Variants in COLQ observed in about 807,000 individuals in gnomAD.
COLQ encodes collagen like tail subunit of asymmetric acetylcholinesterase.
A neutral mutation model predicts 69.0 loss-of-function variants in COLQ; 48 were observed. The observed-to-expected ratio is 0.70, with a 90% confidence interval of 0.55 to 0.88. The LOEUF (loss-of-function observed/expected upper bound fraction) is 0.88, where lower values mean the gene tolerates loss of function less well. Among genes scored for constraint, COLQ ranks in the 40% least tolerant of loss-of-function variants. The probability of loss-of-function intolerance (pLI) is 0.00; values close to 1 mark genes in which losing one functional copy is unlikely to be tolerated. For missense variants in COLQ, 618 were observed against 594.6 expected, an observed-to-expected ratio of 1.04 and a Z score of -0.41; for synonymous variants, 217 against 211.2, an observed-to-expected ratio of 1.03 and a Z score of -0.24.
At chr3:15,458,529 T>C (rs1407544894) in intron 12 of COLQ, among the ~76,000 whole-genome samples, 1 of 152,150 alleles carries the variant, frequency 6.6e-6, no homozygotes, top group East Asian at 1.9e-4. Flanking sequence ...GGCGATAGTT[T>C]CCCCCTCCTT....
At chr3:15,508,474 T>C (rs1179036887) in intron 1 of COLQ, among the ~76,000 whole-genome samples, 1 of 152,210 alleles carries the variant, frequency 6.6e-6, no homozygotes, top group Non-Finnish European at 1.5e-5. Context: ...ACTCCAACCA[T>C]TTGTATAACA....
intron 16 of COLQ, among the ~76,000 whole-genome samples, chr3:15,452,209 G>C (rs2061954754): frequency 6.6e-6 from 1 of 151,964 alleles, no homozygotes; most frequent in Admixed American, 6.6e-5. Flanking sequence ...TGGGATTACA[G>C]GCACGTGCCA....
At position 15,455,937 on chromosome 3, in the gene COLQ, C is replaced by T. The variant is rs368575417; in HGVS notation, c.1157G>A (p.Cys386Tyr). ...ACCCACATCGCTGTTACCGTCGTCACACTCCTCCCCAGGCTGCAGGAGCCC... is the reference window on the plus strand; with the variant it reads ...ACCCACATCGCTGTTACCGTCGTCATACTCCTCCCCAGGCTGCAGGAGCCC... The part of the protein sequence containing the change: ...GDGLLQPGEE[C>Y]DDGNSDVGDD... The change falls in exon 15 of 17, where the codon TGT becomes TAT. Residue 386 changes from cysteine (C) to tyrosine (Y), a missense_variant. Coordinates refer to ENST00000383788, the MANE Select transcript of COLQ (RefSeq NM_005677.4). 1.2e-6 allele frequency: 2 copies of T among 1,614,190 alleles called. No homozygotes were observed. The highest frequency in any genetic ancestry group is 1.7e-6 in the Non-Finnish European group (2 of 1,180,026).
At chr3:15,466,303 CTCCA>C (rs371849227) in intron 12 of COLQ, 34 bp downstream of exon 12, 3 of 1,488,686 alleles carry the variant, frequency 2.0e-6, no homozygotes, top group African/African-American at 2.8e-5. Context: ...CTGGCCAGTA[CTCCA>C]ACAGTGGATC....
At chr3:15,496,986 C>T (rs1403986049) in intron 1 of COLQ, among the ~76,000 whole-genome samples, 1 of 150,056 alleles carries the variant, frequency 6.7e-6, no homozygotes, top group Admixed American at 6.6e-5. Context: ...TTAGTTTCCT[C>T]ATCTGTACCA....
At position 15,519,040 on chromosome 3, in the gene COLQ, T is replaced by G. The variant is rs147097830; in HGVS notation, c.106+2480A>C. ...AGGATTACAAGGAACAGCTTCCATT[T>G]TTTTAAAGCTTAAGTTTATTTCTGA... On this transcript the variant is annotated intron_variant, in intron 1 of 16. Transcript: ENST00000383788. Among the ~76,000 whole-genome samples, 653 of 152,356 alleles carry G rather than the reference T, an allele frequency of 4.3e-3. 10 individuals are homozygous for G. The highest frequency in any genetic ancestry group is 0.015 in the African/African-American group (616 of 41,584).
At chr3:15,452,604 C>T (rs2061964495) in intron 16 of COLQ, among the ~76,000 whole-genome samples, 1 of 152,088 alleles carries the variant, frequency 6.6e-6, no homozygotes, top group African/African-American at 2.4e-5. Flanking sequence ...TCCTGTACTC[C>T]ATATCTGATC....
intron 1 of COLQ, among the ~76,000 whole-genome samples, chr3:15,490,007 T>A (rs950073079): frequency 3.9e-5 from 6 of 152,206 alleles, no homozygotes; most frequent in Non-Finnish European, 8.8e-5. Flanking sequence ...CTAATAACTT[T>A]AATATTGTAC....
rs116373583 is a variant in COLQ, at chr3:15,455,986, C to A, written c.1108G>T (p.Asp370Tyr). 15 of 1,614,136 alleles carry A rather than the reference C, an allele frequency of 9.3e-6. No homozygotes were observed. The highest frequency in any genetic ancestry group is 1.3e-5 in the Non-Finnish European group (15 of 1,180,020). Residue 370 changes from aspartate to tyrosine, a missense_variant, in exon 15 of 17, where the codon GAC becomes TAC. Coordinates refer to ENST00000383788, the MANE Select transcript of COLQ (RefSeq NM_005677.4). ...CCATCCCCACAGGTGCCGTGCTGGT[C>A]TGCAGTGTAATCCACAGGGTAGAAA... ...TPFYPVDYTADQHGTCGDGLL... is the reference protein window; with the variant it reads ...TPFYPVDYTAYQHGTCGDGLL...
intron 12 of COLQ, among the ~76,000 whole-genome samples, chr3:15,459,356 C>T (rs2062072433): frequency 6.6e-6 from 1 of 152,044 alleles, no homozygotes; most frequent in East Asian, 1.9e-4. Context: ...GGCTCTGATA[C>T]CCAGGATACA....
At chr3:15,481,413 G>C (rs563161284) in intron 3 of COLQ, among the ~76,000 whole-genome samples, 207 of 152,328 alleles carry the variant, frequency 1.4e-3, no homozygotes, top group Admixed American at 3.5e-3. Flanking sequence ...AAGGGATCCA[G>C]TTTCAGCTTT....
chr3:15,475,010 G>A lies in COLQ; in HGVS notation c.529-59C>T, dbSNP rs1347589064. On this transcript the variant is annotated intron_variant, in intron 7 of 16. Transcript: ENST00000383788. Reference sequence around the variant, plus strand: ...CCCTGTAGGACTTCTGAGTTTGGTGGAAGAATAGAAGGAATCCCTGAATGT... The same window carrying A: ...CCCTGTAGGACTTCTGAGTTTGGTGAAAGAATAGAAGGAATCCCTGAATGT... 3.9e-6 allele frequency: 6 copies of A among 1,557,198 alleles called. No individual in the cohort carries two copies. In the African/African-American group the frequency reaches 6.8e-5, roughly 18 times the overall value.
intron 1 of COLQ, among the ~76,000 whole-genome samples, chr3:15,518,009 G>T (rs920666421): frequency 1.3e-5 from 2 of 152,074 alleles, no homozygotes; most frequent in South Asian, 2.1e-4. Flanking sequence ...GCAATGGCGC[G>T]ATCTCAGCTC....
At chr3:15,516,385 C>A (rs2063063429) in intron 1 of COLQ, among the ~76,000 whole-genome samples, 1 of 152,154 alleles carries the variant, frequency 6.6e-6, no homozygotes, top group Admixed American at 6.5e-5. Flanking sequence ...TGGGTTACAT[C>A]CCAGCAGGCA....
At chr3:15,454,082 A>G in intron 15 of COLQ, 151 bp from the exon 16 acceptor site, 1 of 658,890 alleles carries the variant, frequency 1.5e-6, no homozygotes, top group Non-Finnish European at 2.8e-6. Flanking sequence ...TCCTCCAGGG[A>G]CTGCCCACAG....
intron 11 of COLQ, among the ~76,000 whole-genome samples, chr3:15,467,544 C>T (rs2062217584): frequency 6.6e-6 from 1 of 152,220 alleles, no homozygotes; most frequent in Non-Finnish European, 1.5e-5. Context: ...TCTTTTCTGC[C>T]TATTCTGGGA....
rs959452385 is a variant in COLQ, at chr3:15,470,725, C to T, written c.637-109G>A. 69 of 1,023,232 alleles carry T rather than the reference C, an allele frequency of 6.7e-5. 1 individual carries two copies. The highest frequency in any genetic ancestry group is 4.2e-4 in the South Asian group (33 of 78,402). The allele number at this position is 1,023,232 out of a possible 1,614,324, so 63.4% of individuals were successfully genotyped here. A position where few individuals can be genotyped will look rare whatever the true frequency, so the allele number is the denominator to read the frequency against. On this transcript the variant is annotated intron_variant, in intron 10 of 16. Coordinates refer to ENST00000383788, the MANE Select transcript of COLQ (RefSeq NM_005677.4). ...ACGAGGGCAGTCTACTTGATCATTCCGAATCTATGCCAACTGGGCTGCCCT... is the reference window on the plus strand; with the variant it reads ...ACGAGGGCAGTCTACTTGATCATTCTGAATCTATGCCAACTGGGCTGCCCT...
intron 6 of COLQ, among the ~76,000 whole-genome samples, chr3:15,476,475 A>C (rs1204222692): frequency 6.6e-6 from 1 of 152,222 alleles, no homozygotes. Flanking sequence ...ACTTTTCCTA[A>C]GAGGACTGGA....
intron 3 of COLQ, among the ~76,000 whole-genome samples, chr3:15,484,819 A>C (rs1381717938): frequency 6.6e-6 from 1 of 152,128 alleles, no homozygotes; most frequent in Admixed American, 6.6e-5. Flanking sequence ...CCATTCATCT[A>C]ATCTTTTTTC....
Sources: allele counts gnomAD v4.1 joint callset (sites outside exome capture counted in the v4.1 genomes callset), GRCh38; gene constraint gnomAD v4.1.1; transcripts MANE v1.5; gene names NCBI Gene and HGNC (gene_info 2026-07-23, HGNC 2026-07-21).